CASK: variants seen among roughly 807,000 people sequenced by gnomAD.
The protein encoded by CASK is calcium/calmodulin dependent serine protein kinase.
Under a neutral mutation model 82.9 loss-of-function variants are expected in CASK, and 4 were observed. The ratio of observed to expected loss-of-function variants is 0.05; its 90% confidence interval spans 0.02 to 0.11. CASK has a LOEUF of 0.11. CASK is among the 10% of genes least tolerant of loss of function. The pLI, the probability that CASK is intolerant of heterozygous loss-of-function variation, is 1.00. For synonymous variants in CASK, 259 were observed against 253.5 expected (o/e 1.02, Z -0.20); for missense variants, 358 against 720.9 (o/e 0.50, Z 5.76).
intron 21 of CASK, 105 bp from the exon 22 acceptor site, chrX:41,542,911 T>C (rs2147112353): frequency 6.0e-6 from 3 of 501,743 alleles, no homozygotes; most frequent in Middle Eastern, 1.1e-3. Flanking sequence ...AGCATAACCA[T>C]ACTCATCCTA....
chrX:41,596,983 C>T (rs1390969056), intron 12 of CASK, among the ~76,000 whole-genome samples: 1 of 112,521 alleles, frequency 8.9e-6, no homozygotes, highest in Non-Finnish European at 1.9e-5. Flanking sequence ...TACTTTCAAA[C>T]ATAAAGATGA....
rs189806705 is a variant in CASK, at chrX:41,684,366, C to T, written c.430-12836G>A. 6.5e-4 allele frequency among the ~76,000 whole-genome samples: 73 copies of T among 111,852 alleles called. 1 individual carries two copies. The East Asian group carries it at 0.018, about 28-fold the overall frequency. On this transcript the variant is annotated intron_variant, in intron 5 of 26. Coordinates refer to ENST00000378163, the MANE Select transcript of CASK (RefSeq NM_001367721.1). ...GTGGTATTCCTGCCAAAGTACATAA[C>T]GAGATCTAATCATGAAGGAACCCTG...
At chrX:41,781,032 T>C (rs2069464579) in intron 3 of CASK, among the ~76,000 whole-genome samples, 1 of 110,307 alleles carries the variant, frequency 9.1e-6, no homozygotes, top group African/African-American at 3.3e-5. Context: ...TTTCTGCCTC[T>C]GTGGCTCAAG....
chrX:41,555,671 A>G (rs1331863266), intron 19 of CASK, 36 bp from the exon 20 acceptor site: 3 of 1,113,506 alleles, frequency 2.7e-6, no homozygotes, highest in Non-Finnish European at 3.7e-6. Context: ...AAAAATTTTC[A>G]TTTATTTTTC....
intron 18 of CASK, among the ~76,000 whole-genome samples, chrX:41,558,044 T>C (rs1047218453): frequency 1.8e-5 from 2 of 111,338 alleles, no homozygotes; most frequent in Admixed American, 9.6e-5. Flanking sequence ...CATATGTTAG[T>C]GAGCAAGACT....
intron 5 of CASK, among the ~76,000 whole-genome samples, chrX:41,709,412 C>A (rs147839261): frequency 0.024 from 2,729 of 111,536 alleles, 32 homozygotes; most frequent in South Asian, 0.042. Flanking sequence ...TATTTTTGGT[C>A]ATTGGGGATA....
chrX:41,735,904 T>A (rs2068486680), intron 5 of CASK, among the ~76,000 whole-genome samples: 1 of 111,571 alleles, frequency 9.0e-6, no homozygotes, highest in Non-Finnish European at 1.9e-5. Flanking sequence ...CTGACCACTC[T>A]AGTTTTTTCT....
intron 3 of CASK, among the ~76,000 whole-genome samples, chrX:41,769,198 CTT>C (rs759796998): frequency 4.4e-5 from 4 of 91,527 alleles, no homozygotes; most frequent in Non-Finnish European, 4.4e-5. Flanking sequence ...TTTTCTTTTT[CTT>C]TTTTTTTTTT....
intron 1 of CASK, among the ~76,000 whole-genome samples, chrX:41,907,913 C>T (rs1005061323): frequency 5.4e-5 from 6 of 111,671 alleles, no homozygotes; most frequent in East Asian, 2.8e-4. Flanking sequence ...CTAGTTCCCG[C>T]GCATGTGCAG....
chrX:41,710,679 G>T (rs1167315829), intron 5 of CASK, among the ~76,000 whole-genome samples: 1 of 112,095 alleles, frequency 8.9e-6, no homozygotes, highest in Non-Finnish European at 1.9e-5. Flanking sequence ...TTGACTGATG[G>T]CTGGAACCCT....
At chrX:41,693,844 C>T (rs2067627140) in intron 5 of CASK, among the ~76,000 whole-genome samples, 2 of 111,531 alleles carry the variant, frequency 1.8e-5, no homozygotes, top group African/African-American at 3.3e-5. Flanking sequence ...GCCAGTTCCT[C>T]TTCTGTGGAA....
chrX:41,890,174 A>G (rs758810414), intron 1 of CASK, among the ~76,000 whole-genome samples: 3 of 109,282 alleles, frequency 2.7e-5, no homozygotes, highest in Non-Finnish European at 5.7e-5. Flanking sequence ...TTATTATCCA[A>G]TTTCTCAGTT....
rs375029309 is a variant in CASK, at chrX:41,578,412, G to A, written c.1431C>T (p.Asn477=). ...TCACATTCTCCATATCCATGTCTCCGTTAGCACTTTCTGGAGAATCGCCGT... is the reference window on the plus strand; with the variant it reads ...TCACATTCTCCATATCCATGTCTCCATTAGCACTTTCTGGAGAATCGCCGT... The part of the protein sequence containing the change: ...YLNGDSPESA[N]GDMDMENVTR... The change falls in exon 15 of 27, where the codon AAC becomes AAT. Residue 477 remains asparagine, a synonymous_variant. Coordinates refer to ENST00000378163, the MANE Select transcript of CASK (RefSeq NM_001367721.1). The A allele has an allele frequency of 1.8e-5, 22 of 1,204,495 alleles. No homozygotes were observed. The highest frequency in any genetic ancestry group is 2.2e-5 in the Admixed American group (1 of 45,571).
chrX:41,543,744 T>C (rs779943705), intron 21 of CASK, among the ~76,000 whole-genome samples: 4 of 111,720 alleles, frequency 3.6e-5, no homozygotes, highest in Non-Finnish European at 7.5e-5. Context: ...GAGTCCAAAA[T>C]CACGATCAGA....
chrX:41,639,439 TAAA>T lies in CASK; in HGVS notation c.832-2781_832-2779del, dbSNP rs34791433. Among the ~76,000 whole-genome samples, 32 of 93,177 alleles carry T rather than the reference TAAA, an allele frequency of 3.4e-4. No individual in the cohort carries two copies. In the South Asian group the frequency reaches 0.018, roughly 52 times the overall value. 80.9% of individuals were successfully genotyped at this position (93,177 alleles called of 115,157 possible). A position where few individuals can be genotyped will look rare whatever the true frequency, so the allele number is the denominator to read the frequency against. Reference sequence around the variant, plus strand: ...AATAGATTGGAAGGAGATGAGGGTTTAAAAAAAAAAAAAAAGCGGGAAGACTAG... The same window carrying T: ...AATAGATTGGAAGGAGATGAGGGTTTAAAAAAAAAAAAGCGGGAAGACTAG... On this transcript the variant is annotated intron_variant, in intron 8 of 26. Transcript: ENST00000378163.
chrX:41,752,694 A>G (rs912262307), intron 3 of CASK, among the ~76,000 whole-genome samples: 4 of 111,754 alleles, frequency 3.6e-5, no homozygotes, highest in Non-Finnish European at 7.5e-5. Flanking sequence ...TAGACCCACA[A>G]ATATAGAAAA....
intron 1 of CASK, among the ~76,000 whole-genome samples, chrX:41,895,981 A>G (rs1472844886): frequency 8.9e-6 from 1 of 111,992 alleles, no homozygotes; most frequent in Non-Finnish European, 1.9e-5. Context: ...TCCACATAGC[A>G]GAGGGCTTAA....
At chrX:41,542,139 T>A (rs1003966447) in intron 22 of CASK, among the ~76,000 whole-genome samples, 6 of 112,573 alleles carry the variant, frequency 5.3e-5, no homozygotes, top group African/African-American at 1.6e-4. Flanking sequence ...GCTCTTGTGG[T>A]AGCTTGGAAA....
At position 41,739,426 on chromosome X, in the gene CASK, T is replaced by C. The variant is rs754059801; in HGVS notation, c.387A>G (p.Leu129=). 5 of 1,184,584 alleles carry C rather than the reference T, an allele frequency of 4.2e-6. No individual in the cohort carries two copies. Among genetic ancestry groups the C allele is most frequent in the Non-Finnish European group, 4.6e-6 (4 of 870,794 alleles). Residue 129 remains leucine (L), a synonymous_variant, in exon 5 of 27, where the codon CTA becomes CTG. Transcript: ENST00000378163. ...SHYMRQILEA[L]RYCHDNNIIH... ...TTATGTTATTATCATGGCAGTAGCG[T>C]AGAGCTTCCAGTATCTGTCTCATAT...
Sources: gnomAD v4.1 joint callset for allele counts (sites outside exome capture counted in the v4.1 genomes callset) on GRCh38, gnomAD v4.1.1 for gene constraint, MANE v1.5 for transcripts, NCBI Gene and HGNC (gene_info 2026-07-23, HGNC 2026-07-21) for gene names.